PTBP2: variants seen among roughly 807,000 people sequenced by gnomAD.
The protein encoded by PTBP2 is polypyrimidine tract-binding protein 2.
In PTBP2, 13 loss-of-function variants were observed where a neutral mutation model predicts 61.4. That is an observed-to-expected ratio of 0.21 (90% CI 0.14 to 0.34). The LOEUF (loss-of-function observed/expected upper bound fraction) is 0.34, where lower values mean the gene tolerates loss of function less well. Ranked by LOEUF, PTBP2 falls within the 10% of genes least tolerant of loss-of-function variation. The probability of loss-of-function intolerance (pLI) is 1.00; values close to 1 mark genes in which losing one functional copy is unlikely to be tolerated. For synonymous variants in PTBP2, 215 were observed against 218.5 expected, an observed-to-expected ratio of 0.98 and a Z score of 0.14; for missense variants, 405 against 642.6, an observed-to-expected ratio of 0.63 and a Z score of 4.00.
At position 96,807,014 on chromosome 1, in the gene PTBP2, A is replaced by G. The variant is rs919346334; in HGVS notation, c.1171+56A>G. ...CTTCACTTCTGCTTTCAAATGCATA[A>G]TGTGAATGTGCGAATAAAAATAAAC... is the stretch of plus-strand genomic sequence containing the variant. On this transcript the variant is annotated intron_variant, in intron 11 of 13. Coordinates refer to ENST00000674951, the MANE Select transcript of PTBP2 (RefSeq NM_021190.4). 44 of 1,295,800 alleles carry G rather than the reference A, an allele frequency of 3.4e-5. No individual in the cohort carries two copies. The African/African-American group carries it at 6.3e-4, about 18-fold the overall frequency. 80.3% of individuals were successfully genotyped at this position (1,295,800 alleles called of 1,614,324 possible).
intron 10 of PTBP2, 83 bp downstream of exon 10, chr1:96,806,535 C>G: frequency 7.1e-7 from 1 of 1,415,932 alleles, no homozygotes; most frequent in Non-Finnish European, 9.9e-7. Flanking sequence ...AGCACTTTGG[C>G]TTAAAGTTGA....
intron 3 of PTBP2, among the ~76,000 whole-genome samples, chr1:96,762,356 C>T (rs1217751205): frequency 1.6e-4 from 24 of 150,298 alleles, no homozygotes; most frequent in Admixed American, 1.1e-3. Context: ...GGCAGAGGCG[C>T]CCCTCACCTC....
At chr1:96,801,215 T>G (rs1196328384) in intron 8 of PTBP2, among the ~76,000 whole-genome samples, 9 of 152,200 alleles carry the variant, frequency 5.9e-5, no homozygotes, top group Non-Finnish European at 1.3e-4. Flanking sequence ...AGGAGATGAC[T>G]GAGAGCTTAA....
At chr1:96,736,877 G>A (rs1652266179) in intron 2 of PTBP2, among the ~76,000 whole-genome samples, 1 of 151,590 alleles carries the variant, frequency 6.6e-6, no homozygotes, top group East Asian at 1.9e-4. Context: ...ACAGCGTCTC[G>A]CTGTATCGCT....
At position 96,785,115 on chromosome 1, in the gene PTBP2, C is replaced by T. The variant is rs142842336; in HGVS notation, c.765C>T (p.Ser255=). ...GCTGTACCCTAAGGATTGATTTTTCCAAACTTGTGAATTTGAATGTAAAAT... is the reference window on the plus strand; with the variant it reads ...GCTGTACCCTAAGGATTGATTTTTCTAAACTTGTGAATTTGAATGTAAAAT... ...NACCTLRIDF[S]KLVNLNVKYN... The change falls in exon 8 of 14, where the codon TCC becomes TCT. Residue 255 remains serine, a synonymous_variant. Coordinates refer to ENST00000674951, the MANE Select transcript of PTBP2 (RefSeq NM_021190.4). 454 of 1,608,600 alleles carry T rather than the reference C, an allele frequency of 2.8e-4. 1 individual carries two copies. The African/African-American group carries it at 5.2e-3, about 19-fold the overall frequency.
chr1:96,737,485 GA>G (rs1652386842), intron 2 of PTBP2, among the ~76,000 whole-genome samples: 1 of 152,090 alleles, frequency 6.6e-6, no homozygotes. Context: ...AAAAAAAAAG[GA>G]AAGACACAAA....
chr1:96,729,974 C>T lies in PTBP2; in HGVS notation c.39+6380C>T, dbSNP rs188465171. Among the ~76,000 whole-genome samples, 152 of 151,982 alleles carry T rather than the reference C, an allele frequency of 1.0e-3. 2 individuals are homozygous for T. In the East Asian group the frequency reaches 0.014, roughly 14 times the overall value. ...GTTGGTCTCGAACTTGTGATCTGCC[C>T]GCCCTGCCTCACAAAGTGCTGGGAT... is the stretch of plus-strand genomic sequence containing the variant. On this transcript the variant is annotated intron_variant, in intron 2 of 13. Coordinates refer to ENST00000674951, the MANE Select transcript of PTBP2 (RefSeq NM_021190.4).
intron 2 of PTBP2, among the ~76,000 whole-genome samples, chr1:96,733,107 G>A (rs1651678040): frequency 6.6e-6 from 1 of 151,634 alleles, no homozygotes. Context: ...TCTGACACAG[G>A]TGGGCTAAAA....
At chr1:96,797,490 C>T (rs1660511437) in intron 8 of PTBP2, among the ~76,000 whole-genome samples, 1 of 152,030 alleles carries the variant, frequency 6.6e-6, no homozygotes, top group Admixed American at 6.6e-5. Flanking sequence ...AGTTGTCATC[C>T]TTATGAAAAG....
At chr1:96,745,566 T>A (rs1435519754) in intron 2 of PTBP2, among the ~76,000 whole-genome samples, 1 of 152,152 alleles carries the variant, frequency 6.6e-6, no homozygotes, top group Non-Finnish European at 1.5e-5. Context: ...ATGACAAAAA[T>A]ATATTTAGTT....
intron 8 of PTBP2, among the ~76,000 whole-genome samples, chr1:96,795,687 A>C (rs373213419): frequency 4.6e-5 from 7 of 152,216 alleles, no homozygotes; most frequent in African/African-American, 1.2e-4. Flanking sequence ...ATCAAATTAC[A>C]AGGAATTAAG....
chr1:96,815,182 T>C (rs1427189996), downstream of PTBP2: 3 of 118,302 alleles, frequency 2.5e-5, no homozygotes, highest in African/African-American at 1.1e-4. Context: ...ATTCTATCTC[T>C]TTTGTTCTTG....
At chr1:96,790,491 T>C (rs187188483) in intron 8 of PTBP2, among the ~76,000 whole-genome samples, 42 of 152,166 alleles carry the variant, frequency 2.8e-4, no homozygotes, top group African/African-American at 8.7e-4. Context: ...GTTGCAAATA[T>C]TGCTTTTTCT....
chr1:96,734,737 G>C (rs1327625556), intron 2 of PTBP2, among the ~76,000 whole-genome samples: 1 of 151,638 alleles, frequency 6.6e-6, no homozygotes, highest in Non-Finnish European at 1.5e-5. Context: ...GACTTGCTCA[G>C]GGTCTCTATT....
chr1:96,770,636 C>T, intron 4 of PTBP2, 72 bp from the exon 5 acceptor site: 1 of 1,243,624 alleles, frequency 8.0e-7, no homozygotes, highest in Non-Finnish European at 1.1e-6. Flanking sequence ...TTAAAATCAT[C>T]TGAATAGATT....
intron 2 of PTBP2, among the ~76,000 whole-genome samples, chr1:96,732,574 A>G (rs1322448353): frequency 6.6e-6 from 1 of 152,240 alleles, no homozygotes; most frequent in African/African-American, 2.4e-5. Context: ...CTAATGAGCC[A>G]TTTATCAATA....
intron 8 of PTBP2, among the ~76,000 whole-genome samples, chr1:96,801,150 T>A (rs886146395): frequency 2.6e-5 from 4 of 152,174 alleles, no homozygotes; most frequent in Non-Finnish European, 5.9e-5. Flanking sequence ...GATAATTTTT[T>A]ATATATTTTA....
At chr1:96,784,431 G>A (rs1659006563) in intron 7 of PTBP2, among the ~76,000 whole-genome samples, 1 of 152,086 alleles carries the variant, frequency 6.6e-6, no homozygotes, top group South Asian at 2.1e-4. Flanking sequence ...TCCTAGACCT[G>A]GCACTCGTCA....
At chr1:96,755,888 T>C (rs968897204) in intron 3 of PTBP2, among the ~76,000 whole-genome samples, 7 of 152,264 alleles carry the variant, frequency 4.6e-5, no homozygotes, top group Non-Finnish European at 8.8e-5. Context: ...GATGGACATA[T>C]AAATTATTGT....
Sources: gnomAD v4.1 joint callset for allele counts (sites outside exome capture counted in the v4.1 genomes callset) on GRCh38, gnomAD v4.1.1 for gene constraint, MANE v1.5 for transcripts, NCBI Gene and HGNC (gene_info 2026-07-23, HGNC 2026-07-21) for gene names.